Variants in MNT observed in about 807,000 individuals in gnomAD.
MNT encodes max-binding protein MNT.
Under a neutral mutation model 40.7 loss-of-function variants are expected in MNT, and 13 were observed. That is an observed-to-expected ratio of 0.32 (90% CI 0.21 to 0.51). The LOEUF (loss-of-function observed/expected upper bound fraction) is 0.51. Ranked by LOEUF, MNT falls within the 20% of genes least tolerant of loss-of-function variation. The pLI is 0.98. For synonymous variants in MNT, 426 were observed against 354.8 expected (o/e 1.20, Z -2.26); for missense variants, 757 against 792.0 (o/e 0.96, Z 0.53).
chr17:2,392,793 G>A (rs949447092), intron 4 of MNT: 1 of 150,164 alleles, frequency 6.7e-6, no homozygotes, highest in Non-Finnish European at 1.5e-5. Flanking sequence ...GCCAATCCGC[G>A]AGCCCGGCCC....
At chr17:2,398,938 G>C (rs534451018) in intron 1 of MNT, among the ~76,000 whole-genome samples, 1 of 152,106 alleles carries the variant, frequency 6.6e-6, no homozygotes, top group Non-Finnish European at 1.5e-5. Context: ...TTGACCTTGA[G>C]AGGCCGGTCG....
At chr17:2,392,797 C>T (rs1287424459) in intron 4 of MNT, 5 of 149,968 alleles carry the variant, frequency 3.3e-5, no homozygotes, top group South Asian at 2.1e-4. Context: ...ATCCGCGAGC[C>T]CGGCCCCGCC....
At chr17:2,397,814 C>G (rs555971676) in intron 1 of MNT, among the ~76,000 whole-genome samples, 131 of 152,314 alleles carry the variant, frequency 8.6e-4, no homozygotes, top group South Asian at 3.7e-3. Flanking sequence ...GGTGCTCCCT[C>G]AGGAGCACCC....
At chr17:2,398,512 A>G (rs775660256) in intron 1 of MNT, among the ~76,000 whole-genome samples, 3 of 152,144 alleles carry the variant, frequency 2.0e-5, no homozygotes, top group Non-Finnish European at 4.4e-5. Flanking sequence ...AGAGGACAGA[A>G]CCTCAAGAGG....
chr17:2,394,798 C>A (rs1450873069), intron 2 of MNT, 77 bp downstream of exon 2: 15 of 1,083,796 alleles, frequency 1.4e-5, no homozygotes, highest in Non-Finnish European at 1.6e-5. Flanking sequence ...GGGGAGGGCA[C>A]CTTGTCTTGC....
At chr17:2,395,560 G>A in intron 1 of MNT, 106 bp from the exon 2 acceptor site, 1 of 1,530,352 alleles carries the variant, frequency 6.5e-7, no homozygotes, top group Non-Finnish European at 8.7e-7. Context: ...TGACACCCCT[G>A]CTCAGCGAGA....
In MNT at chr17:2,394,221, C is replaced by T. The variant is rs1477200156; in HGVS notation, c.696-67G>A. 3.2e-6 allele frequency: 5 copies of T among 1,581,186 alleles called. No homozygotes were observed. In the East Asian group the frequency reaches 7.0e-5, roughly 22 times the overall value. Reference sequence around the variant, plus strand: ...GGGCTGGGACGGGGGGAGGCAGGACCGGGGAAGCTGGGGCCGAGGGCCGCC... The same window carrying T: ...GGGCTGGGACGGGGGGAGGCAGGACTGGGGAAGCTGGGGCCGAGGGCCGCC... On this transcript the variant is annotated intron_variant, in intron 3 of 5. Coordinates refer to ENST00000174618, the MANE Select transcript of MNT (RefSeq NM_020310.3).
At position 2,387,606 on chromosome 17, in the gene MNT, C is replaced by T. The variant is rs573829713; in HGVS notation, c.1044G>A (p.Ala348=). 1.7e-5 allele frequency: 28 copies of T among 1,614,078 alleles called. No individual in the cohort carries two copies. The East Asian group carries it at 3.3e-4, about 19-fold the overall frequency. ...NIDEDMEEDR[A]GLGPPKLSHR... ...GGCTCAGCTTAGGTGGGCCCAGGCC[C>T]GCCCGGTCCTCCTCCATATCCTCGT... The change falls in exon 6 of 6, where the codon GCG becomes GCA. Residue 348 remains alanine (A), a synonymous_variant. Transcript: ENST00000174618.
chr17:2,394,064 C>A lies in MNT; in HGVS notation c.786G>T (p.Arg262=). 1 of 1,605,714 alleles carries A rather than the reference C, an allele frequency of 6.2e-7. No individual in the cohort carries two copies. Among genetic ancestry groups the A allele is most frequent in the Non-Finnish European group, 8.5e-7 (1 of 1,176,564 alleles). ...ATACCTGGATGTACCGCAGCGCCGT[C>A]CGCAGCACGCTCAGATTGGACGTCT... ...DKKTSNLSVL[R]TALRYIQSLK... is the part of the protein sequence containing the mutation. The change falls in exon 4 of 6, where the codon CGG becomes CGT. Residue 262 remains arginine, a synonymous_variant. Coordinates refer to ENST00000174618, the MANE Select transcript of MNT (RefSeq NM_020310.3).
chr17:2,388,854 C>T (rs1200827332), intron 4 of MNT, among the ~76,000 whole-genome samples: 2 of 152,170 alleles, frequency 1.3e-5, no homozygotes, highest in Non-Finnish European at 2.9e-5. Flanking sequence ...GGCAGCTTTT[C>T]GCCCAGGCAC....
chr17:2,394,527 C>G (rs1597420617), intron 2 of MNT, among the ~76,000 whole-genome samples, 181 bp from the exon 3 acceptor site: 1 of 152,230 alleles, frequency 6.6e-6, no homozygotes, highest in East Asian at 1.9e-4. Flanking sequence ...CATCTGTGCT[C>G]ATAATCACAA....
At position 2,394,214 on chromosome 17, in the gene MNT, G is replaced by A. The variant is rs2066554316; in HGVS notation, c.696-60C>T. The A allele has an allele frequency of 2.5e-6, 4 of 1,596,400 alleles. No homozygotes were observed. The South Asian group carries it at 3.3e-5, about 13-fold the overall frequency. On this transcript the variant is annotated intron_variant, in intron 3 of 5. Coordinates refer to ENST00000174618, the MANE Select transcript of MNT (RefSeq NM_020310.3). ...TGGGGCGGGGCTGGGACGGGGGGAG[G>A]CAGGACCGGGGAAGCTGGGGCCGAG...
intron 1 of MNT, among the ~76,000 whole-genome samples, chr17:2,397,045 G>A (rs1240364236): frequency 3.3e-5 from 5 of 152,130 alleles, no homozygotes; most frequent in Non-Finnish European, 7.4e-5. Flanking sequence ...GGAAGAGGCC[G>A]AGGAGGAAGC....
At chr17:2,394,263 GCGCACGCA>G (rs751691177) in intron 3 of MNT, 34 bp downstream of exon 3, 5 of 1,515,368 alleles carry the variant, frequency 3.3e-6, no homozygotes, top group Non-Finnish European at 3.6e-6. Context: ...CGGGTCGCGC[GCGCACGCA>G]CGCACGCACA....
rs1165580367 is a variant in MNT, at chr17:2,387,323, G to A, written c.1327C>T (p.His443Tyr). The A allele has an allele frequency of 6.2e-7, 1 of 1,613,044 alleles. No homozygotes were observed. Among genetic ancestry groups the A allele is most frequent in the Non-Finnish European group, 8.5e-7 (1 of 1,179,784 alleles). Residue 443 changes from histidine (H) to tyrosine (Y), a missense_variant, in exon 6 of 6, where the codon CAC becomes TAC. Transcript: ENST00000174618. The stretch of plus-strand genomic sequence containing the variant: ...ACTGAAGCGTGAGTGGTGGCTGTGT[G>A]GGCGATGACCGTGGAGCCACCCCCA... ...TAGGGSTVIAHTATTHASVIQ... is the reference protein window; with the variant it reads ...TAGGGSTVIAYTATTHASVIQ...
At position 2,395,088 on chromosome 17, in the gene MNT, G is replaced by A; in HGVS notation, c.440C>T (p.Ala147Val). The A allele has an allele frequency of 6.6e-7, 1 of 1,516,130 alleles. No homozygotes were observed. Among genetic ancestry groups the A allele is most frequent in the South Asian group, 1.3e-5 (1 of 75,682 alleles). 93.9% of individuals were successfully genotyped at this position (1,516,130 alleles called of 1,614,324 possible). A position where few individuals can be genotyped will look rare whatever the true frequency, so the allele number is the denominator to read the frequency against. ...GGCCTTCGAGTCCGGCAGTAGGGGA[G>A]CAGGGGTGGGCACCTGCGGCCTGCT... ...LPSRPQVPTP[A>V]PLLPDSKATI... Residue 147 changes from alanine to valine, a missense_variant, in exon 2 of 6, where the codon GCT (alanine) becomes GTT (valine). Physicochemically the swap from Ala to Val is moderately conservative, Grantham distance 64 (BLOSUM62 0). This residue lies in a region of MNT where 335 missense variants were observed against 291.4 expected (regional missense o/e 1.15). Coordinates refer to ENST00000174618, the MANE Select transcript of MNT (RefSeq NM_020310.3).
At position 2,387,587 on chromosome 17, in the gene MNT, G is replaced by C; in HGVS notation, c.1063C>G (p.Leu355Val). The C allele has an allele frequency of 1.2e-6, 2 of 1,614,140 alleles. No individual in the cohort carries two copies. The highest frequency in any genetic ancestry group is 1.7e-6 in the Non-Finnish European group (2 of 1,179,992). The change falls in exon 6 of 6, where the codon CTG (leucine) becomes GTG (valine). Residue 355 changes from leucine to valine, a missense_variant. This residue lies in a region of MNT where 345 missense variants were observed against 380.1 expected (regional missense o/e 0.91). Coordinates refer to ENST00000174618, the MANE Select transcript of MNT (RefSeq NM_020310.3). The part of the protein sequence containing the change: ...EDRAGLGPPK[L>V]SHRPQPELLK... ...AGCTCCGGCTGGGGACGATGGCTCA[G>C]CTTAGGTGGGCCCAGGCCCGCCCGG...
intron 1 of MNT, 27 bp downstream of exon 1, chr17:2,400,612 GC>G: frequency 6.4e-7 from 1 of 1,567,202 alleles, no homozygotes; most frequent in South Asian, 1.2e-5. Flanking sequence ...CTTCCCCAGT[GC>G]CCCAGGGGCC....
intron 4 of MNT, chr17:2,392,193 C>G (rs1279416282): frequency 6.6e-6 from 1 of 152,230 alleles, no homozygotes; most frequent in African/African-American, 2.4e-5. Flanking sequence ...TTTTTACTTG[C>G]TCGCCACCAT....
Sources: gnomAD v4.1 joint callset for allele counts (sites outside exome capture counted in the v4.1 genomes callset) on GRCh38, gnomAD v4.1.1 for gene constraint, gnomAD v4.1.1 regional missense constraint, MANE v1.5 for transcripts, NCBI Gene and HGNC (gene_info 2026-07-23, HGNC 2026-07-21) for gene names.